STX18: variants seen among roughly 807,000 people sequenced by gnomAD.
STX18 encodes the protein syntaxin 18.
STX18 carries 40 observed loss-of-function variants against 50.1 expected under a neutral mutation model. The observed-to-expected ratio is 0.80, with a 90% CI of 0.62 to 1.04. The LOEUF is 1.04. STX18 is among the 50% of genes least tolerant of loss of function. The pLI, the probability that STX18 is intolerant of heterozygous loss-of-function variation, is 0.00. For synonymous variants in STX18, 158 were observed against 151.8 expected, an observed-to-expected ratio of 1.04 and a Z score of -0.30; for missense variants, 410 against 415.8, an observed-to-expected ratio of 0.99 and a Z score of 0.12.
At position 4,438,458 on chromosome 4, in the gene STX18, A is replaced by T; in HGVS notation, c.549T>A (p.Ser183=). The part of the protein sequence containing the change: ...PNTKTRESTS[S]EKVSQSPSKD... The stretch of plus-strand genomic sequence containing the variant: ...TTGAAGGACTCTGTGAAACTTTCTC[A>T]GAAGATGTGGATTCTCTTGTCTTTG... The change falls in exon 6 of 11, where the codon TCT becomes TCA. Residue 183 remains serine, a synonymous_variant. Transcript: ENST00000306200. 3 of 1,613,906 alleles carry T rather than the reference A, an allele frequency of 1.9e-6. No individual in the cohort carries two copies.
intron 1 of STX18, among the ~76,000 whole-genome samples, chr4:4,518,676 C>T (rs752978008): frequency 7.9e-5 from 12 of 152,006 alleles, no homozygotes; most frequent in Non-Finnish European, 1.5e-4. Context: ...TCCTTTCTTC[C>T]TTAATTTCTT....
chr4:4,485,317 C>T (rs1191917643), intron 1 of STX18, among the ~76,000 whole-genome samples: 2 of 152,224 alleles, frequency 1.3e-5, no homozygotes, highest in Non-Finnish European at 2.9e-5. Context: ...TTCTTCATTT[C>T]ATCACTATTT....
At chr4:4,485,392 G>T (rs1728655132) in intron 1 of STX18, among the ~76,000 whole-genome samples, 4 of 152,164 alleles carry the variant, frequency 2.6e-5, no homozygotes, top group African/African-American at 9.7e-5. Context: ...CAATTCAAAT[G>T]ACAATTTTAA....
intron 1 of STX18, among the ~76,000 whole-genome samples, chr4:4,529,992 C>A (rs1484145624): frequency 1.3e-5 from 2 of 152,146 alleles, no homozygotes; most frequent in Admixed American, 1.3e-4. Flanking sequence ...GATTTTACCA[C>A]AGACTTCCTT....
At chr4:4,468,565 G>A (rs905291384) in intron 2 of STX18, among the ~76,000 whole-genome samples, 4 of 152,048 alleles carry the variant, frequency 2.6e-5, no homozygotes, top group Non-Finnish European at 2.9e-5. Flanking sequence ...CTTTGCAAGC[G>A]GTGAGCAGCC....
intron 8 of STX18, among the ~76,000 whole-genome samples, chr4:4,424,107 T>A (rs1725113693): frequency 6.6e-6 from 1 of 151,820 alleles, no homozygotes; most frequent in African/African-American, 2.4e-5. Context: ...TCTGATTCAT[T>A]TAGAAAATGC....
rs558328434 is a variant in STX18 at position 4,515,532 on chromosome 4, A to T, written c.168+26265T>A. On this transcript the variant is annotated intron_variant, in intron 1 of 10. Coordinates refer to ENST00000306200, the MANE Select transcript of STX18 (RefSeq NM_016930.4). The stretch of plus-strand genomic sequence containing the variant: ...ACTTTATTAAGAGACACGATTTGAA[A>T]TGGACTTTGAATACTATACACTGTA... 1.1e-4 allele frequency among the ~76,000 whole-genome samples: 16 copies of T among 152,262 alleles called. No individual in the cohort carries two copies. In the South Asian group the frequency reaches 1.2e-3, roughly 12 times the overall value.
intron 1 of STX18, among the ~76,000 whole-genome samples, chr4:4,535,658 G>A (rs183494582): frequency 7.2e-4 from 110 of 152,116 alleles, no homozygotes; most frequent in Admixed American, 2.4e-3. Context: ...TTAGCTAAAA[G>A]GTTCCTGCCA....
chr4:4,456,120 A>G (rs892414494), intron 5 of STX18, among the ~76,000 whole-genome samples: 1 of 152,058 alleles, frequency 6.6e-6, no homozygotes, highest in Non-Finnish European at 1.5e-5. Flanking sequence ...CTTATAAAAT[A>G]AAATTAAAAA....
At chr4:4,485,407 C>G (rs1728655353) in intron 1 of STX18, among the ~76,000 whole-genome samples, 1 of 152,168 alleles carries the variant, frequency 6.6e-6, no homozygotes, top group Non-Finnish European at 1.5e-5. Flanking sequence ...TTTTAAAAGG[C>G]CACAAGGCCA....
chr4:4,439,778 TTTC>T (rs1236385445), intron 5 of STX18, among the ~76,000 whole-genome samples: 2 of 152,122 alleles, frequency 1.3e-5, no homozygotes, highest in Non-Finnish European at 2.9e-5. Flanking sequence ...CATTCCCCTG[TTTC>T]TTCCCCACGG....
chr4:4,483,289 G>A (rs1379032787), intron 1 of STX18, among the ~76,000 whole-genome samples: 1 of 152,074 alleles, frequency 6.6e-6, no homozygotes, highest in East Asian at 1.9e-4. Context: ...TAGTGTTGAT[G>A]ACACAAAGAA....
At chr4:4,450,734 C>CAGA (rs1726702975) in intron 5 of STX18, among the ~76,000 whole-genome samples, 1 of 152,192 alleles carries the variant, frequency 6.6e-6, no homozygotes, top group African/African-American at 2.4e-5. Flanking sequence ...GCTAAGCCAC[C>CAGA]CTCTCCTCCC....
Position 4,419,014 on chromosome 4 carries a change from T to G in STX18, c.*1020A>C, listed in dbSNP as rs1724761685. ...TATTGACTGTGAATTCATTTACATG[T>G]AACTTCTGACATTTCACTCTGTGCA... On this transcript the variant is annotated 3_prime_UTR_variant, in exon 11 of 11. Transcript: ENST00000306200. 6.6e-6 allele frequency: 1 copy of G among 152,268 alleles called. No individual in the cohort carries two copies. The highest frequency in any genetic ancestry group is 2.4e-5 in the African/African-American group (1 of 41,462). 9.4% of individuals were successfully genotyped at this position (152,268 alleles called of 1,614,324 possible).
intron 2 of STX18, 98 bp from the exon 3 acceptor site, chr4:4,459,585 A>G: frequency 1.2e-6 from 1 of 838,120 alleles, no homozygotes; most frequent in East Asian, 2.4e-5. Context: ...TGATCAGGTG[A>G]CATTTAAGCT....
intron 2 of STX18, among the ~76,000 whole-genome samples, chr4:4,468,622 T>A (rs1356195623): frequency 2.0e-5 from 3 of 152,088 alleles, no homozygotes; most frequent in African/African-American, 7.2e-5. Context: ...GAAAAGCCTA[T>A]TTACACCAAA....
chr4:4,443,377 G>C (rs1325492617), intron 5 of STX18, among the ~76,000 whole-genome samples: 1 of 152,142 alleles, frequency 6.6e-6, no homozygotes, highest in African/African-American at 2.4e-5. Context: ...AACAAGATGG[G>C]GAAAAGCATG....
upstream of STX18, chr4:4,542,109 C>A (rs1731640643): frequency 9.4e-7 from 1 of 1,067,388 alleles, no homozygotes; most frequent in South Asian, 2.2e-5. Flanking sequence ...TTCCGGCCTG[C>A]GCCCTGCTAC....
intron 5 of STX18, among the ~76,000 whole-genome samples, chr4:4,452,009 G>A (rs1288431196): frequency 4.6e-5 from 7 of 152,196 alleles, no homozygotes; most frequent in Admixed American, 4.6e-4. Context: ...AAATTAAAGT[G>A]CTACTCCAGT....
Sources: gnomAD v4.1 joint callset for allele counts (sites outside exome capture counted in the v4.1 genomes callset) on GRCh38, gnomAD v4.1.1 for gene constraint, MANE v1.5 for transcripts, NCBI Gene and HGNC (gene_info 2026-07-23, HGNC 2026-07-21) for gene names.